The following ESYT1 variants were observed in gnomAD, a reference collection of about 807,000 sequenced individuals.
ESYT1 encodes the protein extended synaptotagmin-1.
Under a neutral mutation model 154.2 loss-of-function variants are expected in ESYT1, and 116 were observed. That is an observed-to-expected ratio of 0.75 (90% CI 0.65 to 0.88). ESYT1 has a LOEUF of 0.88. Among genes scored for constraint, ESYT1 ranks in the 40% least tolerant of loss-of-function variants. ESYT1 has a pLI of 0.00. For synonymous variants in ESYT1, 500 were observed against 539.9 expected, an observed-to-expected ratio of 0.93 and a Z score of 1.02; for missense variants, 1,264 against 1,379.3, an observed-to-expected ratio of 0.92 and a Z score of 1.32.
Position 56,142,158 on chromosome 12 carries a change from C to T in ESYT1, c.2593-127C>T, listed in dbSNP as rs74568445. The T allele has an allele frequency of 4.9e-3, 5,435 of 1,106,670 alleles. 202 individuals carry two copies. In the African/African-American group the frequency reaches 0.077, roughly 16 times the overall value. The allele number at this position is 1,106,670 out of a possible 1,614,324, so 68.6% of individuals were successfully genotyped here. On this transcript the variant is annotated intron_variant, in intron 24 of 30. Coordinates refer to ENST00000394048, the MANE Select transcript of ESYT1 (RefSeq NM_015292.3). This position sits in a 1 kb window ranked among gnomAD's most constrained non-coding sequence, Gnocchi z 4.1. ...GACTAGCAACTGTTACCATGGCTTC[C>T]CTGCCTTTCTCAAAGGGAAATCTCA...
chr12:56,136,452 G>GT (rs1339194937), intron 15 of ESYT1, among the ~76,000 whole-genome samples: 1 of 152,026 alleles, frequency 6.6e-6, no homozygotes, highest in African/African-American at 2.4e-5. Context: ...TTAGCTGGGC[G>GT]TGACGGCATG....
At position 56,141,742 on chromosome 12, in the gene ESYT1, AAAT is replaced by A. The variant is rs766180226; in HGVS notation, c.2593-530_2593-528del. Among the ~76,000 whole-genome samples the A allele has an allele frequency of 3.5e-4, 53 of 152,132 alleles. 1 individual carries two copies. The highest frequency in any genetic ancestry group is 6.0e-4 in the Non-Finnish European group (41 of 68,006). On this transcript the variant is annotated intron_variant, in intron 24 of 30. Coordinates refer to ENST00000394048, the MANE Select transcript of ESYT1 (RefSeq NM_015292.3). The stretch of plus-strand genomic sequence containing the variant: ...GCAACAGAGCGAGACTCCGTCTCAA[AAAT>A]AATAATAATAATTTCTGAAAGTTTA...
chr12:56,128,561 T>C lies in ESYT1; in HGVS notation c.242T>C (p.Val81Ala). The C allele has an allele frequency of 6.2e-7, 1 of 1,613,850 alleles. No individual in the cohort carries two copies. Among genetic ancestry groups the C allele is most frequent in the Non-Finnish European group, 8.5e-7 (1 of 1,179,888 alleles). ...AGAVGLSVGFVLFGLALYLGW... is the reference protein window; with the variant it reads ...AGAVGLSVGFALFGLALYLGW... ...GCAGTGGGACTCAGCGTGGGTTTCGTGCTCTTCGGCCTCGCCCTCTACCTG... is the reference window on the plus strand; with the variant it reads ...GCAGTGGGACTCAGCGTGGGTTTCGCGCTCTTCGGCCTCGCCCTCTACCTG... Residue 81 changes from valine to alanine, a missense_variant, in exon 1 of 31, where the codon GTG becomes GCG. Coordinates refer to ENST00000394048, the MANE Select transcript of ESYT1 (RefSeq NM_015292.3).
Position 56,144,565 on chromosome 12 carries a change from C to T in ESYT1, c.*703C>T, listed in dbSNP as rs561366705. The T allele has an allele frequency of 5.1e-6, 5 of 985,476 alleles. No individual in the cohort carries two copies. The East Asian group carries it at 4.5e-4, about 89-fold the overall frequency. 61.0% of individuals were successfully genotyped at this position (985,476 alleles called of 1,614,324 possible). ...GGACAGCAGGGCCAATTTTTTTGCC[C>T]AAGTGCCTAGGCTGCTAACTCACTG... On this transcript the variant is annotated 3_prime_UTR_variant, in exon 31 of 31. Transcript: ENST00000394048.
chr12:56,144,523 G>A lies in ESYT1; in HGVS notation c.*661G>A. 1 of 985,746 alleles carries A rather than the reference G, an allele frequency of 1.0e-6. No homozygotes were observed. The highest frequency in any genetic ancestry group is 1.2e-6 in the Non-Finnish European group (1 of 830,198). 61.1% of individuals were successfully genotyped at this position (985,746 alleles called of 1,614,324 possible). A position where few individuals can be genotyped will look rare whatever the true frequency, so the allele number is the denominator to read the frequency against. Reference sequence around the variant, plus strand: ...GAGCTCCTAGCTGGTGATACGGAGAGGGCTTTGGAGGACTTGGGACAGCAG... The same window carrying A: ...GAGCTCCTAGCTGGTGATACGGAGAAGGCTTTGGAGGACTTGGGACAGCAG... On this transcript the variant is annotated 3_prime_UTR_variant, in exon 31 of 31. Transcript: ENST00000394048.
At chr12:56,132,627 G>A in intron 9 of ESYT1, 30 bp downstream of exon 9, 1 of 1,614,076 alleles carries the variant, frequency 6.2e-7, no homozygotes, top group Non-Finnish European at 8.5e-7. Flanking sequence ...CTGTGAAATG[G>A]GGAAGCCCCA....
rs1304065887 is a variant in ESYT1, at chr12:56,144,000, A to T, written c.*138A>T. On this transcript the variant is annotated 3_prime_UTR_variant, in exon 31 of 31. Transcript: ENST00000394048. ...CAGCCCTTTCACCTAACAGGCCCATATTCGGGCCTTTGCCTGACCAAAGAG... is the reference window on the plus strand; with the variant it reads ...CAGCCCTTTCACCTAACAGGCCCATTTTCGGGCCTTTGCCTGACCAAAGAG... The T allele has an allele frequency of 3.2e-6, 5 of 1,549,226 alleles. No homozygotes were observed. Among genetic ancestry groups the T allele is most frequent in the Non-Finnish European group, 4.3e-6 (5 of 1,153,646 alleles).
chr12:56,130,439 G>T, intron 1 of ESYT1, 143 bp from the exon 2 acceptor site: 1 of 925,524 alleles, frequency 1.1e-6, no homozygotes. Context: ...ATGAACCTTT[G>T]GGGCATCCTC....
chr12:56,139,332 G>A (rs775232149), intron 24 of ESYT1, among the ~76,000 whole-genome samples: 4 of 151,898 alleles, frequency 2.6e-5, no homozygotes, highest in South Asian at 2.1e-4. Context: ...GGCTGGTCTC[G>A]AACTCCTGAC....
intron 16 of ESYT1, 142 bp from the exon 17 acceptor site, chr12:56,137,075 TG>T (rs1308456196): frequency 1.5e-6 from 2 of 1,299,926 alleles, no homozygotes; most frequent in African/African-American, 2.9e-5. Context: ...TGAGGGGGTG[TG>T]GAGGGAACCC....
At chr12:56,132,883 G>A (rs1464100654) in intron 10 of ESYT1, 82 bp downstream of exon 10, 4 of 1,186,916 alleles carry the variant, frequency 3.4e-6, no homozygotes, top group Middle Eastern at 5.3e-4. Context: ...CACTTTGGGA[G>A]GCTGAGGCGG....
chr12:56,138,077 G>A lies in ESYT1; in HGVS notation c.2247+3G>A. The A allele has an allele frequency of 6.2e-7, 1 of 1,614,138 alleles. No individual in the cohort carries two copies. The highest frequency in any genetic ancestry group is 8.5e-7 in the Non-Finnish European group (1 of 1,179,994). ...TAAACAGTGGCTTCCTTGATGAGGT[G>A]AGCATTGAATTAGAGTCAACAACCC... On this transcript the variant is annotated splice_donor_region_variant and intron_variant, in intron 20 of 30. Coordinates refer to ENST00000394048, the MANE Select transcript of ESYT1 (RefSeq NM_015292.3).
At chr12:56,136,060 CAAAAAAAAAAAAA>C (rs72370981) in intron 15 of ESYT1, among the ~76,000 whole-genome samples, 586 of 45,770 alleles carry the variant, frequency 0.013, 11 homozygotes, top group South Asian at 0.052. Flanking sequence ...ACTCTGTCTC[CAAAAAAAAAAAAA>C]AAAAAAAAAG....
At position 56,133,608 on chromosome 12, in the gene ESYT1, G is replaced by A; in HGVS notation, c.1314G>A (p.Gly438=). ...TCTAGTGGTTCCCTCTACAAGGTGG[G>A]CAAGGCCAAGTTCACTTGAGGCTAG... is the stretch of plus-strand genomic sequence containing the variant. ...VLDDWFPLQG[G]QGQVHLRLEW... The change falls in exon 12 of 31, where the codon GGG becomes GGA. Residue 438 remains glycine, a synonymous_variant. Coordinates refer to ENST00000394048, the MANE Select transcript of ESYT1 (RefSeq NM_015292.3). 1 of 1,614,206 alleles carries A rather than the reference G, an allele frequency of 6.2e-7. No homozygotes were observed. The highest frequency in any genetic ancestry group is 8.5e-7 in the Non-Finnish European group (1 of 1,180,036).
chr12:56,138,522 C>T, intron 22 of ESYT1, 23 bp downstream of exon 22: 2 of 1,579,254 alleles, frequency 1.3e-6, no homozygotes, highest in East Asian at 2.3e-5. Context: ...TCCCCATGCC[C>T]CATAACTTCC....
chr12:56,132,460 A>G lies in ESYT1; in HGVS notation c.1024A>G (p.Ser342Gly). ...RIHLLAARGL[S>G]SKDKYVKGLI... is the part of the protein sequence containing the mutation. ...TCACCTGCTGGCTGCTCGAGGGCTG[A>G]GTTCCAAGGACAAATATGTGAAGGG... The change falls in exon 9 of 31, where the codon AGT becomes GGT. Residue 342 changes from serine to glycine, a missense_variant. Transcript: ENST00000394048. The G allele has an allele frequency of 1.2e-6, 2 of 1,614,194 alleles. No individual in the cohort carries two copies. Among genetic ancestry groups the G allele is most frequent in the Non-Finnish European group, 1.7e-6 (2 of 1,180,034 alleles).
At chr12:56,133,375 C>A in intron 10 of ESYT1, 42 bp from the exon 11 acceptor site, 1 of 1,612,736 alleles carries the variant, frequency 6.2e-7, no homozygotes, top group Non-Finnish European at 8.5e-7. Flanking sequence ...ACAACACTAC[C>A]CTTTTCTTCC....
rs780403609 is a variant in ESYT1, at chr12:56,132,159, G to A, written c.861-50G>A. ...GTGGGAAACATAGTTGGGGTTAGGA[G>A]AAAATTGGAAGTTGAGGCCATACCC... On this transcript the variant is annotated intron_variant, in intron 7 of 30. Transcript: ENST00000394048. The A allele has an allele frequency of 3.1e-6, 5 of 1,613,474 alleles. No homozygotes were observed. The African/African-American group carries it at 6.7e-5, about 22-fold the overall frequency.
At position 56,142,381 on chromosome 12, in the gene ESYT1, C is replaced by T; in HGVS notation, c.2689C>T (p.Leu897Phe). The T allele has an allele frequency of 6.2e-7, 1 of 1,614,108 alleles. No individual in the cohort carries two copies. Among genetic ancestry groups the T allele is most frequent in the Non-Finnish European group, 8.5e-7 (1 of 1,180,024 alleles). The change falls in exon 25 of 31, where the codon CTC becomes TTC. Residue 897 changes from leucine to phenylalanine, a missense_variant. Leu to Phe is a conservative substitution (Grantham distance 22). Coordinates refer to ENST00000394048, the MANE Select transcript of ESYT1 (RefSeq NM_015292.3). This position sits in a 1 kb window ranked among gnomAD's most constrained non-coding sequence, Gnocchi z 4.1. ...GCTCTGCTTGGACCGCTGGTTTACA[C>T]TCAGCAGTGGTCAGGGGCAGGTGCT... ...DQLCLDRWFT[L>F]SSGQGQVLLR...
Sources: gnomAD v4.1 joint callset for allele counts (sites outside exome capture counted in the v4.1 genomes callset) on GRCh38, gnomAD v4.1.1 for gene constraint, Gnocchi (gnomAD v3.1) non-coding constraint, MANE v1.5 for transcripts, NCBI Gene and HGNC (gene_info 2026-07-23, HGNC 2026-07-21) for gene names.